DSCC1: variants seen among roughly 807,000 people sequenced by gnomAD.
DSCC1 encodes the protein sister chromatid cohesion protein DCC1.
In DSCC1, 32 loss-of-function variants were observed where a neutral mutation model predicts 48.2. The ratio of observed to expected loss-of-function variants is 0.66; its 90% CI spans 0.50 to 0.89. The LOEUF (loss-of-function observed/expected upper bound fraction) is 0.89. Among genes scored for constraint, DSCC1 ranks in the 40% least tolerant of loss-of-function variants. The pLI is 0.00. For missense variants in DSCC1, 421 were observed against 471.7 expected, an observed-to-expected ratio of 0.89 and a Z score of 1.00; for synonymous variants, 150 against 171.5, an observed-to-expected ratio of 0.87 and a Z score of 0.98.
chr8:119,835,131 G>T (rs1826660373), intron 8 of DSCC1, 130 bp from the exon 9 acceptor site: 1 of 610,356 alleles, frequency 1.6e-6, no homozygotes. Context: ...AGGTGTTTGT[G>T]GGAGAGATAG....
chr8:119,843,013 C>G (rs1826795794), intron 5 of DSCC1, among the ~76,000 whole-genome samples, 185 bp from the exon 6 acceptor site: 1 of 151,998 alleles, frequency 6.6e-6, no homozygotes, highest in Non-Finnish European at 1.5e-5. Context: ...CTACTATGTG[C>G]CAGGCCCCAT....
Position 119,855,620 on chromosome 8 carries a change from C to A in DSCC1, c.176G>T (p.Gly59Val). The A allele has an allele frequency of 6.5e-7, 1 of 1,544,872 alleles. No homozygotes were observed. The highest frequency in any genetic ancestry group is 8.7e-7 in the Non-Finnish European group (1 of 1,146,040). Residue 59 changes from glycine to valine, a missense_variant, in exon 1 of 9, where the codon GGA (glycine) becomes GTA (valine). Coordinates refer to ENST00000313655, the MANE Select transcript of DSCC1 (RefSeq NM_024094.3). ...EPTLCQQLEDGHSLVIRGDKD... is the reference protein window; with the variant it reads ...EPTLCQQLEDVHSLVIRGDKD... ...CCGCGTGACCAGGGCTCACCTGTGT[C>A]CATCCTCCAGCTGCTGGCACAGCGT...
chr8:119,850,179 A>G (rs1212687333), intron 3 of DSCC1, among the ~76,000 whole-genome samples: 2 of 152,232 alleles, frequency 1.3e-5, no homozygotes, highest in African/African-American at 2.4e-5. Context: ...CTGACAAGAC[A>G]TTAATTGTTC....
chr8:119,843,218 A>C (rs958293214), intron 5 of DSCC1, among the ~76,000 whole-genome samples: 1 of 150,650 alleles, frequency 6.6e-6, no homozygotes, highest in African/African-American at 2.4e-5. Flanking sequence ...GCTCCCTAGC[A>C]GCTGGGACTA....
At chr8:119,846,907 C>T in intron 4 of DSCC1, 83 bp downstream of exon 4, 1 of 1,227,208 alleles carries the variant, frequency 8.1e-7, no homozygotes, top group Non-Finnish European at 1.2e-6. Context: ...AAACTATACG[C>T]AGTAGGGTGA....
intron 8 of DSCC1, among the ~76,000 whole-genome samples, chr8:119,836,985 ATAAT>A (rs769227423): frequency 4.6e-5 from 7 of 152,324 alleles, no homozygotes; most frequent in South Asian, 4.1e-4. Context: ...TCAAGGACAA[ATAAT>A]TAACCATTGA....
intron 1 of DSCC1, 73 bp downstream of exon 1, chr8:119,855,541 T>C (rs1038818528): frequency 5.0e-5 from 75 of 1,489,620 alleles, no homozygotes; most frequent in Non-Finnish European, 6.4e-5. Context: ...CCTGTTTTCT[T>C]ATCCCGACTT....
chr8:119,853,459 TAGAGGCCA>T (rs112097580), intron 1 of DSCC1, among the ~76,000 whole-genome samples: 6,990 of 152,218 alleles, frequency 0.046, 263 homozygotes, highest in South Asian at 0.13. Flanking sequence ...GACAGATCCA[TAGAGGCCA>T]AGAGGCCAAA....
At chr8:119,835,909 G>A (rs1212678721) in intron 8 of DSCC1, among the ~76,000 whole-genome samples, 4 of 152,214 alleles carry the variant, frequency 2.6e-5, no homozygotes, top group East Asian at 1.9e-4. Flanking sequence ...GCTAGATCAC[G>A]TAGAACCTTG....
intron 2 of DSCC1, among the ~76,000 whole-genome samples, chr8:119,851,005 A>C (rs1352111619): frequency 2.0e-5 from 3 of 152,202 alleles, no homozygotes; most frequent in Non-Finnish European, 4.4e-5. Context: ...TGTTTAATAC[A>C]AGATCTTTCT....
At position 119,841,914 on chromosome 8, in the gene DSCC1, T is replaced by C. The variant is rs773453226; in HGVS notation, c.804A>G (p.Ile268Met). 5.0e-6 allele frequency: 8 copies of C among 1,614,124 alleles called. No homozygotes were observed. In the South Asian group the frequency reaches 7.7e-5, roughly 16 times the overall value. Residue 268 changes from isoleucine to methionine, a missense_variant, in exon 7 of 9, where the codon ATA (isoleucine) becomes ATG (methionine). Transcript: ENST00000313655. Reference sequence around the variant, plus strand: ...GTAGCATTCGTGCTGCTGCTCTACATATTTTATCAGCATCCAACTCAAAAT... The same window carrying C: ...GTAGCATTCGTGCTGCTGCTCTACACATTTTATCAGCATCCAACTCAAAAT... ...EVYFELDADK[I>M]CRAAARMLLQ...
At position 119,834,888 on chromosome 8, in the gene DSCC1, T is replaced by A. The variant is rs761109856; in HGVS notation, c.*5A>T. 6.4e-7 allele frequency: 1 copy of A among 1,565,578 alleles called. No homozygotes were observed. The highest frequency in any genetic ancestry group is 8.8e-7 in the Non-Finnish European group (1 of 1,140,564). On this transcript the variant is annotated 3_prime_UTR_variant, in exon 9 of 9. Transcript: ENST00000313655. The stretch of plus-strand genomic sequence containing the variant: ...TTGAGTCCTGAAGAAAAGACCGTTG[T>A]TCTTTTAAGAAATGGGTCTTCTCGA...
intron 3 of DSCC1, among the ~76,000 whole-genome samples, chr8:119,849,183 T>TAAAA (rs1826907670): frequency 2.1e-4 from 3 of 14,524 alleles, no homozygotes; most frequent in East Asian, 2.8e-3. Context: ...AGACTCCCTC[T>TAAAA]CAAAAAAAAA....
intron 8 of DSCC1, among the ~76,000 whole-genome samples, 181 bp downstream of exon 8, chr8:119,838,078 C>G (rs756928553): frequency 6.6e-6 from 1 of 152,116 alleles, no homozygotes; most frequent in African/African-American, 2.4e-5. Flanking sequence ...AACACATATT[C>G]CACCTCCAGA....
intron 7 of DSCC1, among the ~76,000 whole-genome samples, chr8:119,841,338 G>A (rs1407611313): frequency 1.3e-5 from 2 of 152,158 alleles, no homozygotes; most frequent in East Asian, 3.9e-4. Context: ...ACAGAGAATG[G>A]ATTGGAAGGG....
chr8:119,846,786 C>G (rs1404168159), intron 4 of DSCC1, among the ~76,000 whole-genome samples: 1 of 152,224 alleles, frequency 6.6e-6, no homozygotes, highest in Non-Finnish European at 1.5e-5. Context: ...TCTCAAACTC[C>G]TGGCCTCAAG....
At chr8:119,855,139 C>G (rs545353335) in intron 1 of DSCC1, among the ~76,000 whole-genome samples, 1 of 152,360 alleles carries the variant, frequency 6.6e-6, no homozygotes, top group African/African-American at 2.4e-5. Flanking sequence ...CAGATCCCTA[C>G]TAAGCAAGTT....
chr8:119,835,043 G>T, intron 8 of DSCC1, 42 bp from the exon 9 acceptor site: 2 of 1,320,144 alleles, frequency 1.5e-6, no homozygotes, highest in Non-Finnish European at 2.2e-6. Context: ...ATATTTTAGG[G>T]AACATATTAT....
chr8:119,838,554 G>T, intron 7 of DSCC1, 147 bp from the exon 8 acceptor site: 2 of 977,504 alleles, frequency 2.0e-6, no homozygotes, highest in Non-Finnish European at 2.8e-6. Context: ...ATTTACAATC[G>T]CCTTTTTCAT....
Sources: gnomAD v4.1 joint callset for allele counts (sites outside exome capture counted in the v4.1 genomes callset) on GRCh38, gnomAD v4.1.1 for gene constraint, MANE v1.5 for transcripts, NCBI Gene and HGNC (gene_info 2026-07-23, HGNC 2026-07-21) for gene names.